ITGA2B: variants seen among roughly 807,000 people sequenced by gnomAD.
ITGA2B encodes integrin subunit alpha 2b.
In ITGA2B, 91 loss-of-function variants were observed where a neutral mutation model predicts 142.0. The observed-to-expected ratio is 0.64, with a 90% CI of 0.54 to 0.76. The LOEUF is 0.76. Ranked by LOEUF, ITGA2B falls within the 30% of genes least tolerant of loss-of-function variation. ITGA2B has a pLI of 0.00. For missense variants in ITGA2B, 1,231 were observed against 1,350.8 expected (o/e 0.91, Z 1.39); for synonymous variants, 536 against 567.2 (o/e 0.94, Z 0.78).
At chr17:44,380,564 G>T (rs1221880744) in intron 14 of ITGA2B, 36 bp downstream of exon 14, 1 of 1,614,142 alleles carries the variant, frequency 6.2e-7, no homozygotes, top group East Asian at 2.2e-5. Context: ...GATGGCACAG[G>T]ACCTTCCCCA....
At position 44,378,498 on chromosome 17, in the gene ITGA2B, G is replaced by A. The variant is rs375936260; in HGVS notation, c.1958C>T (p.Pro653Leu). Residue 653 changes from proline to leucine, a missense_variant, in exon 20 of 30, where the codon CCG becomes CTG. Around this residue, in one of 3 missense-constraint regions of ITGA2B, gnomAD observed 908 missense variants for 1,021.1 expected, o/e 0.89. Coordinates refer to ENST00000262407, the MANE Select transcript of ITGA2B (RefSeq NM_000419.5). ...LQLTASVTGSPLLVGADNVLE... is the reference protein window; with the variant it reads ...LQLTASVTGSLLLVGADNVLE... ...GACATTATCTGCCCCAACTAGGAGC[G>A]GGGAGCCCGTCCTGTGGGGAAAGAG... The A allele has an allele frequency of 2.3e-5, 37 of 1,613,616 alleles. No homozygotes were observed. The highest frequency in any genetic ancestry group is 8.0e-5 in the African/African-American group (6 of 74,958).
chr17:44,376,501 TG>T, intron 22 of ITGA2B, 113 bp from the exon 23 acceptor site: 1 of 917,650 alleles, frequency 1.1e-6, no homozygotes, highest in East Asian at 2.5e-5. Context: ...ACAAAGAGCA[TG>T]CCACACTGAA....
chr17:44,382,001 G>C (rs1598380866), intron 12 of ITGA2B, among the ~76,000 whole-genome samples: 1 of 152,062 alleles, frequency 6.6e-6, no homozygotes, highest in Non-Finnish European at 1.5e-5. Flanking sequence ...AGCAGGTGAC[G>C]TAATCTCTTA....
At chr17:44,375,180 C>A in intron 26 of ITGA2B, 69 bp from the exon 27 acceptor site, 1 of 1,336,542 alleles carries the variant, frequency 7.5e-7, no homozygotes. Context: ...ACCCCCTTAC[C>A]CCCAGGACCC....
intron 27 of ITGA2B, 81 bp from the exon 28 acceptor site, chr17:44,374,841 G>A: frequency 7.3e-7 from 1 of 1,361,712 alleles, no homozygotes; most frequent in Non-Finnish European, 1.0e-6. Flanking sequence ...CACCCCCGGC[G>A]GGGAAGCCCT....
intron 1 of ITGA2B, among the ~76,000 whole-genome samples, chr17:44,387,269 T>C (rs1325868351): frequency 6.6e-6 from 1 of 152,148 alleles, no homozygotes; most frequent in Admixed American, 6.5e-5. Context: ...ACGCCTGTAA[T>C]CCCAGTACTT....
Position 44,389,607 on chromosome 17 carries a change from G to A in ITGA2B, c.-134C>T. The A allele has an allele frequency of 1.0e-6, 1 of 1,003,098 alleles. No individual in the cohort carries two copies. 62.1% of individuals were successfully genotyped at this position (1,003,098 alleles called of 1,614,324 possible). A position where few individuals can be genotyped will look rare whatever the true frequency, so the allele number is the denominator to read the frequency against. On this transcript the variant is annotated 5_prime_UTR_variant, in exon 1 of 30. Coordinates refer to ENST00000262407, the MANE Select transcript of ITGA2B (RefSeq NM_000419.5). ...TGCTGAGCAACGGGCAGAGCAAAGG[G>A]CTATAGCCCCTGGACTCATGGTGGC...
At chr17:44,376,955 A>G (rs2048549556) in intron 22 of ITGA2B, 54 bp downstream of exon 22, 1 of 1,437,246 alleles carries the variant, frequency 7.0e-7, no homozygotes, top group Non-Finnish European at 9.5e-7. Flanking sequence ...GGGGCTCTGC[A>G]CGGGGGTCAG....
rs2048541187 is a variant in ITGA2B, at chr17:44,376,089, T to C, written c.2444A>G (p.Tyr815Cys). The stretch of plus-strand genomic sequence containing the variant: ...GGACGCGAGGCTCCCCAATACCTCA[T>C]AGGTGTGCTCCACTTTGGGTCCCCA... ...DSWGPKVEHTYELHNNGPGTV... is the reference protein window; with the variant it reads ...DSWGPKVEHTCELHNNGPGTV... Residue 815 changes from tyrosine (Y) to cysteine (C), a missense_variant, in exon 24 of 30, where the codon TAT becomes TGT. Tyr to Cys is a radical substitution (Grantham distance 194). This residue lies in a region of ITGA2B where 908 missense variants were observed against 1,021.1 expected (regional missense o/e 0.89). Coordinates refer to ENST00000262407, the MANE Select transcript of ITGA2B (RefSeq NM_000419.5). The C allele has an allele frequency of 1.2e-6, 2 of 1,614,068 alleles. No individual in the cohort carries two copies. Among genetic ancestry groups the C allele is most frequent in the African/African-American group, 1.3e-5 (1 of 75,002 alleles).
intron 1 of ITGA2B, 68 bp from the exon 2 acceptor site, chr17:44,386,199 G>T: frequency 6.5e-7 from 1 of 1,538,762 alleles, no homozygotes; most frequent in East Asian, 2.4e-5. Context: ...GCCGGCGCTG[G>T]GAGCACTGCC....
intron 18 of ITGA2B, among the ~76,000 whole-genome samples, chr17:44,379,019 C>G: frequency 6.6e-6 from 1 of 152,040 alleles, no homozygotes; most frequent in East Asian, 1.9e-4. Flanking sequence ...TATCTCGGCT[C>G]ACTGCAAGCT....
intron 18 of ITGA2B, 40 bp downstream of exon 18, chr17:44,379,649 G>A (rs2048575928): frequency 6.2e-7 from 1 of 1,613,510 alleles, no homozygotes; most frequent in African/African-American, 1.3e-5. Flanking sequence ...TTGCTATCAG[G>A]GGTCCTGCAC....
At position 44,374,627 on chromosome 17, in the gene ITGA2B, G is replaced by A. The variant is rs1370278594; in HGVS notation, c.2943+32C>T. 4 of 1,584,970 alleles carry A rather than the reference G, an allele frequency of 2.5e-6. No individual in the cohort carries two copies. In the South Asian group the frequency reaches 4.4e-5, roughly 18 times the overall value. ...GACTGGGGGACAATGGGTCCTGCAG[G>A]ACTGGTCTCTGCTCCATCCCCCCAC... is the stretch of plus-strand genomic sequence containing the variant. On this transcript the variant is annotated intron_variant, in intron 28 of 29. Coordinates refer to ENST00000262407, the MANE Select transcript of ITGA2B (RefSeq NM_000419.5).
intron 7 of ITGA2B, 109 bp downstream of exon 7, chr17:44,384,839 T>C (rs1598382437): frequency 6.5e-7 from 1 of 1,549,358 alleles, no homozygotes; most frequent in Non-Finnish European, 8.9e-7. Context: ...GCTTAGGCGG[T>C]GGGTTGGCCG....
rs1356783836 is a variant in ITGA2B, at chr17:44,380,030, A to C, written c.1724T>G (p.Ile575Ser). Residue 575 changes from isoleucine to serine, a missense_variant, in exon 17 of 30, where the codon ATC becomes AGC. By Grantham distance (142) the Ile-to-Ser change is moderately radical. Around this residue, in one of 3 missense-constraint regions of ITGA2B, gnomAD observed 908 missense variants for 1,021.1 expected, o/e 0.89. Transcript: ENST00000262407. ...AAGGAAGGCCATGGTGGTGTGGCAG[A>C]TGGGGCTGTGCTTTCCGCCCAGATC... ...NLDLGGKHSP[I>S]CHTTMAFLRD... The C allele has an allele frequency of 1.9e-5, 30 of 1,613,632 alleles. No homozygotes were observed. The highest frequency in any genetic ancestry group is 2.4e-5 in the Non-Finnish European group (28 of 1,180,036).
rs924329423 is a variant in ITGA2B, at chr17:44,375,171, C to G, written c.2728-60G>C. On this transcript the variant is annotated intron_variant, in intron 26 of 29. Coordinates refer to ENST00000262407, the MANE Select transcript of ITGA2B (RefSeq NM_000419.5). ...CGGCCCATCACCCCATCATCCCCCACCCCCTTACCCCCAGGACCCAACGCA... is the reference window on the plus strand; with the variant it reads ...CGGCCCATCACCCCATCATCCCCCAGCCCCTTACCCCCAGGACCCAACGCA... The G allele has an allele frequency of 1.0e-4, 144 of 1,416,384 alleles. No individual in the cohort carries two copies. The Middle Eastern group carries it at 2.4e-3, about 23-fold the overall frequency. 87.7% of individuals were successfully genotyped at this position (1,416,384 alleles called of 1,614,324 possible). A position where few individuals can be genotyped will look rare whatever the true frequency, so the allele number is the denominator to read the frequency against.
rs2048543985 is a variant in ITGA2B, at chr17:44,376,333, C to T, written c.2323G>A (p.Ala775Thr). The change falls in exon 23 of 30, where the codon GCA becomes ACA. Residue 775 changes from alanine (A) to threonine (T), a missense_variant. This residue lies in a region of ITGA2B where 908 missense variants were observed against 1,021.1 expected (regional missense o/e 0.89). Transcript: ENST00000262407. ...CCTCGCAGCTCCACTTGGGCCTCTG[C>T]CCGGACCGGCACGTCCAGCAGCACA... ...KIVLLDVPVR[A>T]EAQVELRGNS... The T allele has an allele frequency of 1.2e-6, 2 of 1,614,200 alleles. No homozygotes were observed. Among genetic ancestry groups the T allele is most frequent in the East Asian group, 2.2e-5 (1 of 44,888 alleles).
At chr17:44,383,369 T>C in intron 12 of ITGA2B, 124 bp downstream of exon 12, 1 of 866,780 alleles carries the variant, frequency 1.2e-6, no homozygotes, top group Non-Finnish European at 1.9e-6. Flanking sequence ...GCACCCCATG[T>C]GTCTAAGCCA....
Position 44,384,604 on chromosome 17 carries a change from A to G in ITGA2B, c.800-19T>C. ...GAGTACCCTGAGGACAAGGGCGCAA[A>G]TTAGTCTTTTCCAGGGGAGGAAGCA... On this transcript the variant is annotated intron_variant, in intron 7 of 29. Coordinates refer to ENST00000262407, the MANE Select transcript of ITGA2B (RefSeq NM_000419.5). The G allele has an allele frequency of 6.2e-7, 1 of 1,613,908 alleles. No homozygotes were observed. Among genetic ancestry groups the G allele is most frequent in the Non-Finnish European group, 8.5e-7 (1 of 1,179,984 alleles).
Sources: gnomAD v4.1 joint callset for allele counts (sites outside exome capture counted in the v4.1 genomes callset) on GRCh38, gnomAD v4.1.1 for gene constraint, gnomAD v4.1.1 regional missense constraint, MANE v1.5 for transcripts, NCBI Gene and HGNC (gene_info 2026-07-23, HGNC 2026-07-21) for gene names.